MPP7: variants seen among roughly 807,000 people sequenced by gnomAD.
The protein encoded by MPP7 is MAGUK p55 scaffold protein 7.
Under a neutral mutation model 76.5 loss-of-function variants are expected in MPP7, and 60 were observed. The observed-to-expected ratio is 0.78, with a 90% CI of 0.64 to 0.97. The LOEUF (loss-of-function observed/expected upper bound fraction) is 0.97. Ranked by LOEUF, MPP7 falls within the 50% of genes least tolerant of loss-of-function variation. The pLI is 0.00. For missense variants in MPP7, 641 were observed against 694.0 expected, an observed-to-expected ratio of 0.92 and a Z score of 0.86; for synonymous variants, 237 against 244.5, an observed-to-expected ratio of 0.97 and a Z score of 0.29.
chr10:28,285,709 C>T (rs528860770), intron 1 of MPP7, among the ~76,000 whole-genome samples: 1 of 152,072 alleles, frequency 6.6e-6, no homozygotes, highest in Non-Finnish European at 1.5e-5. Context: ...CAGGCCACCA[C>T]CTACGAAGTA....
intron 3 of MPP7, among the ~76,000 whole-genome samples, chr10:28,154,214 T>A (rs566772974): frequency 6.6e-6 from 1 of 152,292 alleles, no homozygotes; most frequent in East Asian, 1.9e-4. Flanking sequence ...TCCTACCTAA[T>A]CCCAGGAAGA....
chr10:28,295,096 T>C (rs1397674335), intron 1 of MPP7, among the ~76,000 whole-genome samples: 1 of 152,134 alleles, frequency 6.6e-6, no homozygotes, highest in Non-Finnish European at 1.5e-5. Context: ...GGCAGCTGCC[T>C]AAGGTTTCAC....
intron 1 of MPP7, among the ~76,000 whole-genome samples, chr10:28,332,239 A>ATGTGTGTGTGTGTGTG (rs1460669087): frequency 1.0e-5 from 1 of 96,492 alleles, no homozygotes; most frequent in Non-Finnish European, 2.3e-5. Flanking sequence ...AGTTTGTCAA[A>ATGTGTGTGTGTGTGTG]TGTATGCGTG....
At chr10:28,123,997 T>A in intron 8 of MPP7, 34 bp downstream of exon 8, 2 of 1,379,324 alleles carry the variant, frequency 1.4e-6, no homozygotes, top group Non-Finnish European at 2.1e-6. Flanking sequence ...CGATTTTATT[T>A]TTATTGTACC....
chr10:28,267,801 T>C (rs183328582), intron 1 of MPP7, among the ~76,000 whole-genome samples: 5 of 152,058 alleles, frequency 3.3e-5, no homozygotes, highest in Admixed American at 2.6e-4. Context: ...TTTGGGAGGC[T>C]GTGGCAGGTA....
At chr10:28,218,653 A>G (rs1838393936) in intron 2 of MPP7, among the ~76,000 whole-genome samples, 1 of 152,190 alleles carries the variant, frequency 6.6e-6, no homozygotes, top group Non-Finnish European at 1.5e-5. Flanking sequence ...CCATGCGATC[A>G]CAGTCTCCAA....
At chr10:28,313,718 G>A (rs1395609412) in intron 2 of MPP7, among the ~76,000 whole-genome samples, 1 of 152,032 alleles carries the variant, frequency 6.6e-6, no homozygotes, top group Admixed American at 6.6e-5. Flanking sequence ...GACAGGGTCT[G>A]CTCGGTCCCC....
upstream of MPP7, among the ~76,000 whole-genome samples, chr10:28,307,107 G>C (rs1181486777): frequency 6.6e-6 from 1 of 152,180 alleles, no homozygotes; most frequent in African/African-American, 2.4e-5. Flanking sequence ...ACACTGGGCA[G>C]ATTACCAGAC....
At chr10:28,273,357 AC>A (rs1464958600) in intron 1 of MPP7, among the ~76,000 whole-genome samples, 26 of 152,256 alleles carry the variant, frequency 1.7e-4, no homozygotes, top group African/African-American at 5.8e-4. Context: ...TGGTACAATT[AC>A]AAAAGAATTC....
At chr10:28,253,942 GCTGAGATTTCACCA>G (rs1420130408) in intron 1 of MPP7, among the ~76,000 whole-genome samples, 4 of 139,594 alleles carry the variant, frequency 2.9e-5, no homozygotes, top group Non-Finnish European at 6.1e-5. Context: ...GTTGCAGTGA[GCTGAGATTTCACCA>G]CTGCACTCCA....
chr10:28,313,456 A>G (rs541217977), intron 2 of MPP7, among the ~76,000 whole-genome samples: 1 of 152,172 alleles, frequency 6.6e-6, no homozygotes, highest in Non-Finnish European at 1.5e-5. Flanking sequence ...CAGTGAGCCT[A>G]GATTACACCA....
intron 13 of MPP7, among the ~76,000 whole-genome samples, chr10:28,067,886 G>A (rs562076060): frequency 3.9e-5 from 6 of 152,196 alleles, no homozygotes; most frequent in South Asian, 2.1e-4. Flanking sequence ...ACTTGGTTTC[G>A]AATCCAAGTG....
chr10:28,166,469 G>A (rs1836465273), intron 3 of MPP7, among the ~76,000 whole-genome samples: 1 of 142,822 alleles, frequency 7.0e-6, no homozygotes, highest in South Asian at 2.2e-4. Flanking sequence ...GTGCAGTGGT[G>A]CAATCTCGGC....
chr10:28,333,021 A>G (rs1413213044), intron 1 of MPP7, among the ~76,000 whole-genome samples: 2 of 152,118 alleles, frequency 1.3e-5, no homozygotes, highest in African/African-American at 4.8e-5. Context: ...ACACACATCT[A>G]AGATTTGAAT....
intron 11 of MPP7, among the ~76,000 whole-genome samples, chr10:28,111,910 T>C (rs996110591): frequency 6.6e-6 from 1 of 152,014 alleles, no homozygotes; most frequent in Non-Finnish European, 1.5e-5. Context: ...TCAGAGCAAA[T>C]AGGAGTGATC....
intron 12 of MPP7, among the ~76,000 whole-genome samples, chr10:28,079,608 T>C (rs1464236029): frequency 6.6e-6 from 1 of 152,194 alleles, no homozygotes; most frequent in African/African-American, 2.4e-5. Flanking sequence ...AAGAATGATT[T>C]GAAATACCAG....
At chr10:28,239,728 CAGT>C (rs1014713878) in intron 1 of MPP7, among the ~76,000 whole-genome samples, 48 of 152,084 alleles carry the variant, frequency 3.2e-4, no homozygotes, top group Admixed American at 1.2e-3. Context: ...GCAGTAAAGG[CAGT>C]ATAGCATAGT....
chr10:28,294,691 T>C (rs1444107005), intron 1 of MPP7, among the ~76,000 whole-genome samples: 3 of 152,236 alleles, frequency 2.0e-5, no homozygotes, highest in Non-Finnish European at 4.4e-5. Flanking sequence ...TTTGCTTCAA[T>C]TGTATAAGAT....
At chr10:28,129,275 T>A (rs1022329321) in intron 6 of MPP7, among the ~76,000 whole-genome samples, 1 of 152,194 alleles carries the variant, frequency 6.6e-6, no homozygotes, top group East Asian at 1.9e-4. Context: ...AAATTAAAAT[T>A]GGATCTAATA....
Sources: gnomAD v4.1 joint callset for allele counts (sites outside exome capture counted in the v4.1 genomes callset) on GRCh38, gnomAD v4.1.1 for gene constraint, MANE v1.5 for transcripts, NCBI Gene and HGNC (gene_info 2026-07-23, HGNC 2026-07-21) for gene names.